Variants in ITPR2 observed in about 807,000 individuals in gnomAD.
ITPR2 encodes the protein inositol 1,4,5-trisphosphate-gated calcium channel ITPR2.
Under a neutral mutation model 317.1 loss-of-function variants are expected in ITPR2, and 207 were observed. The observed-to-expected ratio is 0.65, with a 90% CI of 0.58 to 0.73. The LOEUF (loss-of-function observed/expected upper bound fraction) is 0.73, where lower values mean the gene tolerates loss of function less well. Among genes scored for constraint, ITPR2 ranks in the 30% least tolerant of loss-of-function variants. ITPR2 has a pLI of 0.00. For synonymous variants in ITPR2, 1,156 were observed against 1,149.1 expected, an observed-to-expected ratio of 1.01 and a Z score of -0.12; for missense variants, 2,613 against 3,284.0, an observed-to-expected ratio of 0.80 and a Z score of 4.99.
In ITPR2 at chr12:26,363,631, C is replaced by T. The variant is rs75203708; in HGVS notation, c.7858-23303G>A. ...GATCACAATGCACTGATACCATTTTCGTGATCTGATCTTAGAAAAGGTGGG... is the reference window on the plus strand; with the variant it reads ...GATCACAATGCACTGATACCATTTTTGTGATCTGATCTTAGAAAAGGTGGG... On this transcript the variant is annotated intron_variant, in intron 55 of 56. Coordinates refer to ENST00000381340, the MANE Select transcript of ITPR2 (RefSeq NM_002223.4). 8.5e-5 allele frequency among the ~76,000 whole-genome samples: 13 copies of T among 152,254 alleles called. No homozygotes were observed. The East Asian group carries it at 1.2e-3, about 14-fold the overall frequency.
At chr12:26,596,545 G>A (rs1945850426) in intron 31 of ITPR2, among the ~76,000 whole-genome samples, 2 of 151,826 alleles carry the variant, frequency 1.3e-5, no homozygotes, top group East Asian at 3.9e-4. Context: ...CACTCGGGAG[G>A]CTGAGGCAGG....
At chr12:26,791,974 T>C (rs1294524113) in intron 1 of ITPR2, among the ~76,000 whole-genome samples, 3 of 152,180 alleles carry the variant, frequency 2.0e-5, no homozygotes, top group Non-Finnish European at 4.4e-5. Context: ...GACACTGACA[T>C]TCTATTCATT....
intron 55 of ITPR2, among the ~76,000 whole-genome samples, chr12:26,350,763 C>T (rs1424471026): frequency 2.0e-5 from 3 of 152,016 alleles, no homozygotes; most frequent in Non-Finnish European, 2.9e-5. Flanking sequence ...CTCTTAGAAA[C>T]TTTCTGACCC....
rs183476432 is a variant in ITPR2 at position 26,517,651 on chromosome 12, A to G, written c.5074-22391T>C. Among the ~76,000 whole-genome samples the G allele has an allele frequency of 3.3e-4, 50 of 152,328 alleles. No individual in the cohort carries two copies. The East Asian group carries it at 9.5e-3, about 29-fold the overall frequency. On this transcript the variant is annotated intron_variant, in intron 37 of 56. Transcript: ENST00000381340. Reference sequence around the variant, plus strand: ...TCAGAAGCTCGAGACCAGCCTGGCCAACATGGCAAAACCACATCTCTCCTA... The same window carrying G: ...TCAGAAGCTCGAGACCAGCCTGGCCGACATGGCAAAACCACATCTCTCCTA...
intron 2 of ITPR2, among the ~76,000 whole-genome samples, chr12:26,768,414 T>TA (rs1222720407): frequency 0.4 from 26,156 of 65,244 alleles, 3,335 homozygotes; most frequent in Non-Finnish European, 0.47. Context: ...TAAAGTATAA[T>TA]AAAAAAAAAT....
chr12:26,501,008 T>C (rs1943059803), intron 37 of ITPR2, among the ~76,000 whole-genome samples: 1 of 152,114 alleles, frequency 6.6e-6, no homozygotes, highest in Non-Finnish European at 1.5e-5. Flanking sequence ...CAAGATATCA[T>C]GAAAAAACAC....
At chr12:26,343,842 A>G (rs915963218) in intron 55 of ITPR2, among the ~76,000 whole-genome samples, 1 of 152,196 alleles carries the variant, frequency 6.6e-6, no homozygotes, top group Non-Finnish European at 1.5e-5. Context: ...CTCTTAATAC[A>G]GACAGGGTGA....
chr12:26,659,003 G>A (rs778460968), intron 16 of ITPR2, 110 bp downstream of exon 16: 103 of 762,554 alleles, frequency 1.4e-4, no homozygotes, highest in Non-Finnish European at 1.8e-4. Context: ...AACATAGTTC[G>A]TCCATAAAAG....
In ITPR2 at chr12:26,362,279, G is replaced by A. The variant is rs1051715340; in HGVS notation, c.7858-21951C>T. Among the ~76,000 whole-genome samples the A allele has an allele frequency of 4.6e-5, 7 of 152,266 alleles. No individual in the cohort carries two copies. The East Asian group carries it at 1.4e-3, about 29-fold the overall frequency. On this transcript the variant is annotated intron_variant, in intron 55 of 56. Transcript: ENST00000381340. ...GGCACTAGCAATTTACTTCCAGCCT[G>A]AGCTTAAGGTCAAACCCAGAACTAG...
chr12:26,613,188 C>T (rs575730350), intron 26 of ITPR2, among the ~76,000 whole-genome samples: 8 of 152,240 alleles, frequency 5.3e-5, no homozygotes, highest in Admixed American at 2.6e-4. Flanking sequence ...GTACACTTTA[C>T]ACAGCATTTG....
At chr12:26,594,418 C>T (rs1224338257) in intron 32 of ITPR2, among the ~76,000 whole-genome samples, 1 of 151,778 alleles carries the variant, frequency 6.6e-6, no homozygotes, top group Non-Finnish European at 1.5e-5. Flanking sequence ...CTTGTCATCC[C>T]TCCTTTCAGA....
intron 37 of ITPR2, among the ~76,000 whole-genome samples, chr12:26,504,494 G>GAA (rs34469882): frequency 1.3e-5 from 2 of 151,618 alleles, no homozygotes; most frequent in Admixed American, 1.3e-4. Flanking sequence ...CAATAAACAT[G>GAA]AAAAAAAATG....
chr12:26,693,120 A>G (rs920968032), intron 10 of ITPR2, among the ~76,000 whole-genome samples: 2 of 152,202 alleles, frequency 1.3e-5, no homozygotes, highest in Admixed American at 6.5e-5. Flanking sequence ...AAATTAAATC[A>G]ACTGTCTGCA....
intron 45 of ITPR2, 141 bp from the exon 46 acceptor site, chr12:26,443,791 G>C (rs1941545408): frequency 1.8e-6 from 1 of 564,822 alleles, no homozygotes; most frequent in Non-Finnish European, 3.2e-6. Context: ...AGGAAAGCAT[G>C]TCTGTATTTG....
In ITPR2 at chr12:26,573,408, T is replaced by A. The variant is rs563228367; in HGVS notation, c.4630+5305A>T. Among the ~76,000 whole-genome samples the A allele has an allele frequency of 4.2e-3, 643 of 152,210 alleles. 4 individuals carry two copies. Among genetic ancestry groups the A allele is most frequent in the South Asian group, 0.023 (110 of 4,822 alleles). ...TAGTCAAGAACAAACACTTTCAGGC[T>A]CCAGTGGTGAAGAAAGGAAAGTTCC... is the stretch of plus-strand genomic sequence containing the variant. On this transcript the variant is annotated intron_variant, in intron 34 of 56. Transcript: ENST00000381340.
chr12:26,778,257 A>G (rs1950012895), intron 2 of ITPR2, among the ~76,000 whole-genome samples: 1 of 152,202 alleles, frequency 6.6e-6, no homozygotes, highest in Non-Finnish European at 1.5e-5. Flanking sequence ...ACAATATTGC[A>G]ACCCTGGAGG....
intron 9 of ITPR2, among the ~76,000 whole-genome samples, 196 bp from the exon 10 acceptor site, chr12:26,695,846 T>C (rs1221154839): frequency 6.6e-5 from 10 of 152,184 alleles, no homozygotes. Flanking sequence ...AAAGCTGACA[T>C]GCCAAGTTCA....
At chr12:26,389,962 T>G (rs1241705779) in intron 54 of ITPR2, among the ~76,000 whole-genome samples, 1 of 152,238 alleles carries the variant, frequency 6.6e-6, no homozygotes, top group African/African-American at 2.4e-5. Context: ...GATATATTTC[T>G]TTTCTTCACC....
chr12:26,654,228 A>T, intron 20 of ITPR2, 102 bp from the exon 21 acceptor site: 1 of 898,866 alleles, frequency 1.1e-6, no homozygotes, highest in East Asian at 2.7e-5. Context: ...AAATTAGCAC[A>T]GCAATTTCTA....
Sources: allele counts gnomAD v4.1 joint callset (sites outside exome capture counted in the v4.1 genomes callset), GRCh38; gene constraint gnomAD v4.1.1; transcripts MANE v1.5; gene names NCBI Gene and HGNC (gene_info 2026-07-23, HGNC 2026-07-21).